The following COL13A1 variants were observed in gnomAD, a reference collection of about 807,000 sequenced individuals.
The protein encoded by COL13A1 is collagen type XIII alpha 1 chain.
A neutral mutation model predicts 130.9 loss-of-function variants in COL13A1; 89 were observed. The observed-to-expected ratio is 0.68, with a 90% confidence interval of 0.57 to 0.81. The LOEUF is 0.81. Ranked by LOEUF, COL13A1 falls within the 30% of genes least tolerant of loss-of-function variation. The pLI is 0.00. For synonymous variants in COL13A1, 402 were observed against 341.6 expected, an observed-to-expected ratio of 1.18 and a Z score of -1.95; for missense variants, 879 against 934.6, an observed-to-expected ratio of 0.94 and a Z score of 0.78.
intron 27 of COL13A1, 44 bp from the exon 28 acceptor site, chr10:69,928,893 C>T (rs758915076): frequency 6.6e-7 from 1 of 1,505,212 alleles, no homozygotes; most frequent in South Asian, 1.1e-5. Flanking sequence ...GGCTACCCTC[C>T]TCCATGGGAC....
chr10:69,862,654 G>C (rs537438761), intron 2 of COL13A1, among the ~76,000 whole-genome samples: 1 of 152,326 alleles, frequency 6.6e-6, no homozygotes, highest in African/African-American at 2.4e-5. Context: ...GGCAGAGGCT[G>C]TTCCTTTTAT....
intron 24 of COL13A1, among the ~76,000 whole-genome samples, chr10:69,924,467 A>G (rs2065085469): frequency 6.6e-6 from 1 of 151,990 alleles, no homozygotes; most frequent in African/African-American, 2.4e-5. Context: ...TCATACACCC[A>G]TGTCCTCCTG....
chr10:69,917,390 T>A (rs986802505), intron 18 of COL13A1, 57 bp downstream of exon 18: 67 of 1,483,224 alleles, frequency 4.5e-5, no homozygotes, highest in Non-Finnish European at 5.9e-5. Flanking sequence ...CCAGTGCCCA[T>A]CCCTCTCTCC....
intron 18 of COL13A1, among the ~76,000 whole-genome samples, chr10:69,917,716 C>G (rs1015763868): frequency 1.3e-4 from 16 of 121,370 alleles, no homozygotes; most frequent in Admixed American, 4.5e-4. Context: ...TCAGCTTTCA[C>G]AAAGCTGATA....
intron 3 of COL13A1, among the ~76,000 whole-genome samples, chr10:69,871,631 C>A (rs530116588): frequency 8.5e-5 from 13 of 152,280 alleles, no homozygotes; most frequent in African/African-American, 3.1e-4. Flanking sequence ...GGGAACACCC[C>A]AAGACCTACT....
intron 1 of COL13A1, 103 bp from the exon 2 acceptor site, chr10:69,822,266 C>G (rs768844816): frequency 7.5e-6 from 6 of 795,082 alleles, no homozygotes; most frequent in Non-Finnish European, 1.1e-5. Context: ...AGAGTTCTGC[C>G]GGTTTCCCCC....
At chr10:69,852,101 C>T (rs1407856430) in intron 2 of COL13A1, among the ~76,000 whole-genome samples, 1 of 152,120 alleles carries the variant, frequency 6.6e-6, no homozygotes. Flanking sequence ...CCCTTGGACT[C>T]TCTCGTGCCG....
intron 36 of COL13A1, among the ~76,000 whole-genome samples, chr10:69,944,710 G>A (rs2068211505): frequency 1.3e-5 from 2 of 149,090 alleles, no homozygotes; most frequent in African/African-American, 4.9e-5. Flanking sequence ...AAAAGAAAAA[G>A]AAAAAAGAGG....
intron 2 of COL13A1, among the ~76,000 whole-genome samples, chr10:69,825,974 C>T (rs1847386367): frequency 6.6e-6 from 1 of 152,172 alleles, no homozygotes; most frequent in Non-Finnish European, 1.5e-5. Context: ...TTAGGAGGGT[C>T]ATGGCTGCCA....
chr10:69,862,141 A>T (rs981080098), intron 2 of COL13A1, among the ~76,000 whole-genome samples: 3 of 152,198 alleles, frequency 2.0e-5, no homozygotes, highest in African/African-American at 7.2e-5. Flanking sequence ...CTGAGTAGTC[A>T]GACATTTTTC....
At chr10:69,846,015 G>A (rs779651571) in intron 2 of COL13A1, among the ~76,000 whole-genome samples, 7 of 152,372 alleles carry the variant, frequency 4.6e-5, no homozygotes, top group Admixed American at 2.6e-4. Flanking sequence ...AAGGCCTGGC[G>A]CAAGGCCAGT....
rs1853492314 is a variant in COL13A1, at chr10:69,847,545, T to G, written c.365-20253T>G. Among the ~76,000 whole-genome samples the G allele has an allele frequency of 2.0e-5, 3 of 152,196 alleles. No individual in the cohort carries two copies. The South Asian group carries it at 6.2e-4, about 31-fold the overall frequency. On this transcript the variant is annotated intron_variant, in intron 2 of 40. Coordinates refer to ENST00000645393, the MANE Select transcript of COL13A1 (RefSeq NM_001368882.1). The stretch of plus-strand genomic sequence containing the variant: ...TCTCCTCCTGCTCTTTCTCCTTGCC[T>G]CCAGGCTTATGACACAGGTGAGAAG...
intron 3 of COL13A1, among the ~76,000 whole-genome samples, chr10:69,869,927 G>T (rs2058888918): frequency 6.6e-6 from 1 of 152,208 alleles, no homozygotes; most frequent in Non-Finnish European, 1.5e-5. Context: ...TGAAATAGTA[G>T]CTAACACTTA....
intron 2 of COL13A1, among the ~76,000 whole-genome samples, chr10:69,848,785 A>C (rs1853860541): frequency 6.6e-6 from 1 of 152,184 alleles, no homozygotes; most frequent in Non-Finnish European, 1.5e-5. Context: ...CAGAAGAGCC[A>C]GCTGGTGCCA....
intron 1 of COL13A1, among the ~76,000 whole-genome samples, chr10:69,815,139 G>A (rs1387319249): frequency 1.3e-5 from 2 of 152,140 alleles, no homozygotes; most frequent in East Asian, 1.9e-4. Context: ...CCAGGCTCAA[G>A]GTCACAGCTG....
intron 1 of COL13A1, among the ~76,000 whole-genome samples, chr10:69,815,931 G>A (rs1442657108): frequency 6.6e-6 from 1 of 151,752 alleles, no homozygotes; most frequent in Non-Finnish European, 1.5e-5. Flanking sequence ...GTGGTGTGCT[G>A]GGGGAGGAAG....
chr10:69,807,793 C>T (rs1841963520), intron 1 of COL13A1, among the ~76,000 whole-genome samples: 1 of 152,186 alleles, frequency 6.6e-6, no homozygotes, highest in Non-Finnish European at 1.5e-5. Context: ...ATCCAGACCC[C>T]AGCAGGCATC....
At chr10:69,906,792 G>A (rs762576757) in intron 17 of COL13A1, among the ~76,000 whole-genome samples, 1 of 151,968 alleles carries the variant, frequency 6.6e-6, no homozygotes, top group African/African-American at 2.4e-5. Context: ...GTGCAATGGC[G>A]TGATCTCGGC....
intron 2 of COL13A1, among the ~76,000 whole-genome samples, chr10:69,826,550 T>A (rs1334419991): frequency 6.6e-6 from 1 of 152,150 alleles, no homozygotes; most frequent in Non-Finnish European, 1.5e-5. Flanking sequence ...CGGGTCAGTG[T>A]GCTGGTGAGG....
Sources: gnomAD v4.1 joint callset for allele counts (sites outside exome capture counted in the v4.1 genomes callset) on GRCh38, gnomAD v4.1.1 for gene constraint, MANE v1.5 for transcripts, NCBI Gene and HGNC (gene_info 2026-07-23, HGNC 2026-07-21) for gene names.